Variants in PRKG1 observed in about 807,000 individuals in gnomAD.
The protein encoded by PRKG1 is protein kinase cGMP-dependent 1, also known as cGMP-dependent protein kinase 1.
Under a neutral mutation model 88.1 loss-of-function variants are expected in PRKG1, and 35 were observed. The observed-to-expected ratio is 0.40, with a 90% CI of 0.30 to 0.53. The LOEUF (loss-of-function observed/expected upper bound fraction) is 0.53. Ranked by LOEUF, PRKG1 falls within the 20% of genes least tolerant of loss-of-function variation. PRKG1 has a pLI of 0.59. For missense variants in PRKG1, 540 were observed against 839.8 expected, an observed-to-expected ratio of 0.64 and a Z score of 4.41; for synonymous variants, 303 against 292.5, an observed-to-expected ratio of 1.04 and a Z score of -0.37.
At chr10:51,310,083 A>G (rs1266871121) in intron 2 of PRKG1, among the ~76,000 whole-genome samples, 1 of 152,170 alleles carries the variant, frequency 6.6e-6, no homozygotes, top group African/African-American at 2.4e-5. Flanking sequence ...TAGGCATTGG[A>G]GACTAAAAGG....
chr10:52,079,843 A>G (rs1380822684), intron 7 of PRKG1, among the ~76,000 whole-genome samples: 1 of 152,146 alleles, frequency 6.6e-6, no homozygotes, highest in African/African-American at 2.4e-5. Context: ...AGGTAGGAGG[A>G]TACTTTTACA....
At chr10:51,636,350 A>G (rs1839655823) in intron 3 of PRKG1, among the ~76,000 whole-genome samples, 1 of 152,238 alleles carries the variant, frequency 6.6e-6, no homozygotes, top group Admixed American at 6.5e-5. Flanking sequence ...TCAATTCTGT[A>G]AATTAACAGG....
At chr10:51,749,784 T>C (rs543236727) in intron 3 of PRKG1, among the ~76,000 whole-genome samples, 1 of 152,162 alleles carries the variant, frequency 6.6e-6, no homozygotes, top group African/African-American at 2.4e-5. Context: ...ATAATTCTCA[T>C]TGCATTAAAC....
At chr10:51,799,102 G>T (rs1360114953) in intron 3 of PRKG1, among the ~76,000 whole-genome samples, 2 of 151,882 alleles carry the variant, frequency 1.3e-5, no homozygotes, top group East Asian at 1.9e-4. Context: ...TCCCTGTCTT[G>T]GTCTCTCTCT....
intron 3 of PRKG1, chr10:51,699,153 C>G (rs1378494565): frequency 3.7e-6 from 6 of 1,614,046 alleles, no homozygotes; most frequent in Non-Finnish European, 4.2e-6. Flanking sequence ...GGGAGACTGG[C>G]TACTGCTCTG....
chr10:52,210,211 T>A (rs1345802932), intron 9 of PRKG1, among the ~76,000 whole-genome samples: 1 of 152,062 alleles, frequency 6.6e-6, no homozygotes, highest in Non-Finnish European at 1.5e-5. Context: ...CGGATTGCTG[T>A]TAGAATAAAA....
intron 3 of PRKG1, among the ~76,000 whole-genome samples, chr10:51,728,164 C>A (rs1226873620): frequency 6.6e-6 from 1 of 152,036 alleles, no homozygotes; most frequent in Non-Finnish European, 1.5e-5. Flanking sequence ...GATTGCTATT[C>A]ATAGATCATT....
At chr10:52,144,675 A>G (rs1158763149) in intron 8 of PRKG1, among the ~76,000 whole-genome samples, 2 of 152,014 alleles carry the variant, frequency 1.3e-5, no homozygotes, top group South Asian at 2.1e-4. Flanking sequence ...GCCTTAGCCT[A>G]GCATGGTGGC....
intron 3 of PRKG1, among the ~76,000 whole-genome samples, chr10:51,507,043 G>T (rs564345269): frequency 1.6e-4 from 25 of 151,692 alleles, no homozygotes; most frequent in African/African-American, 6.0e-4. Flanking sequence ...CAGCAAACTA[G>T]TGCAAGGACA....
intron 5 of PRKG1, among the ~76,000 whole-genome samples, chr10:51,947,579 G>T (rs529969438): frequency 1.3e-5 from 2 of 152,092 alleles, no homozygotes; most frequent in African/African-American, 4.8e-5. Context: ...AGCTGTAGAC[G>T]GGAGCTGTTC....
chr10:51,621,043 T>C (rs529649999), intron 3 of PRKG1, among the ~76,000 whole-genome samples: 1 of 95,072 alleles, frequency 1.1e-5, no homozygotes, highest in Non-Finnish European at 2.5e-5. Context: ...GACTCCTATA[T>C]ATGTGTGTGT....
chr10:51,208,505 T>C (rs767023922), intron 2 of PRKG1, among the ~76,000 whole-genome samples: 1 of 152,174 alleles, frequency 6.6e-6, no homozygotes, highest in Non-Finnish European at 1.5e-5. Context: ...TAGCAAGACA[T>C]GAAGCTTCCT....
Position 51,495,101 on chromosome 10 carries a change from CT to C in PRKG1, c.592+27276del, listed in dbSNP as rs374734308. Among the ~76,000 whole-genome samples, 213 of 146,298 alleles carry C rather than the reference CT, an allele frequency of 1.5e-3. 1 individual carries two copies. The highest frequency in any genetic ancestry group is 4.5e-3 in the African/African-American group (181 of 40,170). On this transcript the variant is annotated intron_variant, in intron 3 of 17. Coordinates refer to ENST00000373980, the MANE Select transcript of PRKG1 (RefSeq NM_006258.4). ...GGATGTACCAATGTGATATCTGAAT[CT>C]TTTTTTTTTTAAGACAGAGTCTCGC...
intron 5 of PRKG1, among the ~76,000 whole-genome samples, chr10:52,033,509 C>T (rs111565933): frequency 3.9e-5 from 6 of 152,242 alleles, no homozygotes; most frequent in African/African-American, 1.4e-4. Flanking sequence ...ATGTTTATAT[C>T]ACCTTTTTAG....
At chr10:51,349,155 G>A (rs1399016208) in intron 2 of PRKG1, among the ~76,000 whole-genome samples, 2 of 152,116 alleles carry the variant, frequency 1.3e-5, no homozygotes, top group African/African-American at 2.4e-5. Context: ...ATAGCTGCCT[G>A]ACATAGCACA....
intron 2 of PRKG1, among the ~76,000 whole-genome samples, chr10:51,341,271 G>A (rs970870159): frequency 6.6e-6 from 1 of 152,116 alleles, no homozygotes; most frequent in Non-Finnish European, 1.5e-5. Context: ...ATAGAATTGT[G>A]TTAGAAAAAG....
chr10:51,973,038 A>G (rs993076359), intron 5 of PRKG1, among the ~76,000 whole-genome samples: 1 of 152,150 alleles, frequency 6.6e-6, no homozygotes, highest in Non-Finnish European at 1.5e-5. Context: ...AGTGGGACCC[A>G]CATGAGGCAG....
intron 3 of PRKG1, among the ~76,000 whole-genome samples, chr10:51,708,931 A>G (rs1224959193): frequency 6.6e-6 from 1 of 152,038 alleles, no homozygotes; most frequent in Admixed American, 6.6e-5. Context: ...CTGAATGTCT[A>G]TCCTGGTTGA....
intron 7 of PRKG1, among the ~76,000 whole-genome samples, chr10:52,129,837 A>G (rs561904571): frequency 2.3e-3 from 344 of 152,330 alleles, no homozygotes; most frequent in Middle Eastern, 0.01. Context: ...ATAATGATGG[A>G]CAGTGAATAC....
Sources: allele counts gnomAD v4.1 joint callset (sites outside exome capture counted in the v4.1 genomes callset), GRCh38; gene constraint gnomAD v4.1.1; transcripts MANE v1.5; gene names NCBI Gene and HGNC (gene_info 2026-07-23, HGNC 2026-07-21).